Variants in PLXNC1 observed in about 807,000 individuals in gnomAD.
PLXNC1 encodes plexin-C1.
In PLXNC1, 75 loss-of-function variants were observed where a neutral mutation model predicts 178.2. The ratio of observed to expected loss-of-function variants is 0.42; its 90% CI spans 0.35 to 0.51. PLXNC1 has a LOEUF of 0.51. PLXNC1 is among the 20% of genes least tolerant of loss of function. The probability of loss-of-function intolerance (pLI) is 0.02; values close to 1 mark genes in which losing one functional copy is unlikely to be tolerated. For missense variants in PLXNC1, 1,503 were observed against 1,984.4 expected (o/e 0.76, Z 4.61); for synonymous variants, 790 against 779.9 (o/e 1.01, Z -0.22).
At chr12:94,241,797 T>G (rs1370572617) in intron 11 of PLXNC1, among the ~76,000 whole-genome samples, 1 of 152,162 alleles carries the variant, frequency 6.6e-6, no homozygotes, top group Non-Finnish European at 1.5e-5. Flanking sequence ...CCTATCTTGG[T>G]TATTGTGAAG....
intron 8 of PLXNC1, 53 bp downstream of exon 8, chr12:94,226,760 A>G: frequency 7.8e-7 from 1 of 1,279,900 alleles, no homozygotes; most frequent in Non-Finnish European, 1.1e-6. Flanking sequence ...ATGGTGGCTC[A>G]CGCCTGCAAT....
At chr12:94,240,414 C>A in intron 10 of PLXNC1, 71 bp from the exon 11 acceptor site, 1 of 1,156,304 alleles carries the variant, frequency 8.6e-7, no homozygotes, top group Non-Finnish European at 1.3e-6. Flanking sequence ...AATTCATTTG[C>A]TGTCACCTTG....
Position 94,259,669 on chromosome 12 carries a change from TA to T in PLXNC1, c.3190del (p.Ser1064AlafsTer18). The T allele has an allele frequency of 6.2e-7, 1 of 1,612,950 alleles. No homozygotes were observed. Among genetic ancestry groups the T allele is most frequent in the South Asian group, 1.1e-5 (1 of 91,004 alleles). On this transcript the variant is annotated frameshift_variant, in exon 19 of 31. Transcript: ENST00000258526. LOFTEE classifies it high-confidence loss of function. ...LTALDALICN[K>X]SFLVTVIHTL... ...CAGCTTTGGATGCCCTAATCTGTAA[TA>T]AAAGCTTTCTTGTTACTGTCATCCA...
chr12:94,240,737 C>G, intron 11 of PLXNC1, 73 bp downstream of exon 11: 2 of 1,178,872 alleles, frequency 1.7e-6, no homozygotes. Flanking sequence ...TGATTTTATT[C>G]AAGTAAATTC....
chr12:94,231,332 G>C (rs1964096453), intron 9 of PLXNC1, among the ~76,000 whole-genome samples: 1 of 152,154 alleles, frequency 6.6e-6, no homozygotes, highest in Non-Finnish European at 1.5e-5. Flanking sequence ...ACACACGCTA[G>C]AGGAAACCCT....
intron 20 of PLXNC1, among the ~76,000 whole-genome samples, chr12:94,263,337 TGGTGATTAGCCAG>T: frequency 6.6e-6 from 1 of 152,290 alleles, no homozygotes; most frequent in African/African-American, 2.4e-5. Context: ...CAAGGGATTC[TGGTGATTAGCCAG>T]GGTTAGACCC....
chr12:94,258,295 TG>T (rs930702923), intron 17 of PLXNC1, among the ~76,000 whole-genome samples: 1 of 152,210 alleles, frequency 6.6e-6, no homozygotes, highest in African/African-American at 2.4e-5. Context: ...TTTTTTGGTT[TG>T]TTTTTTTGGG....
intron 23 of PLXNC1, among the ~76,000 whole-genome samples, chr12:94,285,972 TAGG>T (rs1565860636): frequency 6.6e-6 from 1 of 152,118 alleles, no homozygotes; most frequent in African/African-American, 2.4e-5. Flanking sequence ...CTGCCATTAA[TAGG>T]AGGAGGCAGG....
chr12:94,225,071 C>A (rs141625708), intron 7 of PLXNC1, among the ~76,000 whole-genome samples: 1 of 152,332 alleles, frequency 6.6e-6, no homozygotes, highest in African/African-American at 2.4e-5. Flanking sequence ...TTTTCACCAT[C>A]TTTGGCCTCT....
At position 94,269,738 on chromosome 12, in the gene PLXNC1, A is replaced by G. The variant is rs78302013; in HGVS notation, c.3597+4513A>G. On this transcript the variant is annotated intron_variant, in intron 21 of 30. Transcript: ENST00000258526. ...CAGTGAAGTTAATTAACAATTCTTG[A>G]GCTTTTTATTTTTCTCTCTACCATA... Among the ~76,000 whole-genome samples, 1,041 of 152,326 alleles carry G rather than the reference A, an allele frequency of 6.8e-3. 7 individuals carry two copies. Among genetic ancestry groups the G allele is most frequent in the African/African-American group, 0.023 (967 of 41,574 alleles).
chr12:94,220,822 T>C (rs927381402), intron 6 of PLXNC1, among the ~76,000 whole-genome samples: 1 of 151,912 alleles, frequency 6.6e-6, no homozygotes. Flanking sequence ...GAGGGTAGAG[T>C]TGAGCCAGAC....
chr12:94,285,212 CT>C (rs1966763268), intron 23 of PLXNC1, among the ~76,000 whole-genome samples: 1 of 152,104 alleles, frequency 6.6e-6, no homozygotes, highest in African/African-American at 2.4e-5. Context: ...TAGGGACCCC[CT>C]GTTTTTCATG....
chr12:94,195,635 T>C (rs1159087826), intron 4 of PLXNC1, among the ~76,000 whole-genome samples: 1 of 152,144 alleles, frequency 6.6e-6, no homozygotes, highest in Non-Finnish European at 1.5e-5. Flanking sequence ...TCACATTCAC[T>C]CCATATTTTT....
rs112213435 is a variant in PLXNC1, at chr12:94,218,049, C to T, written c.1555-1967C>T. Among the ~76,000 whole-genome samples the T allele has an allele frequency of 5.2e-3, 785 of 152,226 alleles. 7 individuals carry two copies. Among genetic ancestry groups the T allele is most frequent in the African/African-American group, 0.017 (697 of 41,524 alleles). ...AAAAATTCTGATACTCTTGTTATAA[C>T]GTTTGAGTGTGAATTCAATTTAAGA... On this transcript the variant is annotated intron_variant, in intron 5 of 30. Transcript: ENST00000258526.
At chr12:94,193,361 T>C (rs1962792848) in intron 4 of PLXNC1, among the ~76,000 whole-genome samples, 1 of 152,052 alleles carries the variant, frequency 6.6e-6, no homozygotes, top group Admixed American at 6.6e-5. Context: ...ATTAGAATGA[T>C]AGTAGTGGTG....
chr12:94,236,397 A>G (rs1324836186), intron 9 of PLXNC1, among the ~76,000 whole-genome samples: 5 of 152,192 alleles, frequency 3.3e-5, no homozygotes, highest in African/African-American at 1.2e-4. Flanking sequence ...TAGCCCAGCA[A>G]TGCCACCCCA....
chr12:94,226,563 G>A, intron 7 of PLXNC1, 42 bp from the exon 8 acceptor site: 1 of 1,321,322 alleles, frequency 7.6e-7, no homozygotes, highest in South Asian at 1.2e-5. Flanking sequence ...TGTGAACATT[G>A]TCCTAAAACG....
chr12:94,185,929 G>GT, intron 3 of PLXNC1: 1 of 168,752 alleles, frequency 5.9e-6, no homozygotes, highest in East Asian at 1.5e-4. Context: ...ACCCAACTGG[G>GT]TGTCAGACTC....
intron 4 of PLXNC1, among the ~76,000 whole-genome samples, chr12:94,191,715 C>T (rs966714826): frequency 5.4e-5 from 8 of 149,174 alleles, no homozygotes; most frequent in Non-Finnish European, 5.9e-5. Flanking sequence ...ACCCAGGAGA[C>T]GGAGGTTGCA....
Sources: gnomAD v4.1 joint callset for allele counts (sites outside exome capture counted in the v4.1 genomes callset) on GRCh38, gnomAD v4.1.1 for gene constraint, MANE v1.5 for transcripts, NCBI Gene and HGNC (gene_info 2026-07-23, HGNC 2026-07-21) for gene names.